The following SEMA6D variants were observed in gnomAD, a reference collection of about 807,000 sequenced individuals.
The protein encoded by SEMA6D is semaphorin-6D.
In SEMA6D, 35 loss-of-function variants were observed where a neutral mutation model predicts 106.6. The observed-to-expected ratio is 0.33, with a 90% CI of 0.25 to 0.44. The LOEUF is 0.44. Ranked by LOEUF, SEMA6D falls within the 20% of genes least tolerant of loss-of-function variation. SEMA6D has a pLI of 1.00. For missense variants in SEMA6D, 1,185 were observed against 1,345.9 expected, an observed-to-expected ratio of 0.88 and a Z score of 1.87; for synonymous variants, 499 against 487.7, an observed-to-expected ratio of 1.02 and a Z score of -0.31.
At chr15:47,234,751 A>G (rs1362037300) in intron 1 of SEMA6D, among the ~76,000 whole-genome samples, 9 of 152,002 alleles carry the variant, frequency 5.9e-5, no homozygotes, top group Non-Finnish European at 1.0e-4. Context: ...TCATCAGTTG[A>G]TGGGCACTTA....
At position 47,772,414 on chromosome 15, in the gene SEMA6D, T is replaced by C. The variant is rs1231738554; in HGVS notation, c.*629T>C. Reference sequence around the variant, plus strand: ...TGTTCTGTACCCACTAGGATTTGTTTAGGTGCCCATTGCATCTTTTTGTGC... The same window carrying C: ...TGTTCTGTACCCACTAGGATTTGTTCAGGTGCCCATTGCATCTTTTTGTGC... On this transcript the variant is annotated 3_prime_UTR_variant, in exon 19 of 19. Transcript: ENST00000536845. 6.8e-6 allele frequency: 1 copy of C among 147,120 alleles called. No homozygotes were observed. Among genetic ancestry groups the C allele is most frequent in the Admixed American group, 6.9e-5 (1 of 14,536 alleles). The allele number at this position is 147,120 out of a possible 1,614,324, so 9.1% of individuals were successfully genotyped here.
At chr15:47,194,634 G>A (rs1020064206) in intron 1 of SEMA6D, among the ~76,000 whole-genome samples, 2 of 152,182 alleles carry the variant, frequency 1.3e-5, no homozygotes, top group Admixed American at 6.5e-5. Context: ...ACCAAAATAT[G>A]TGAATGAAAT....
Position 47,707,711 on chromosome 15 carries a change from C to G in SEMA6D, c.-54-52034C>G, listed in dbSNP as rs1053947713. On this transcript the variant is annotated intron_variant, in intron 4 of 19. Transcript: ENST00000558014. ...CTTACTTTTTCATGTGTATGTGGCT[C>G]ATGTAGATTTTGGTATTTTTCTGGA... Among the ~76,000 whole-genome samples the G allele has an allele frequency of 1.8e-4, 28 of 152,152 alleles. 1 individual carries two copies. Among genetic ancestry groups the G allele is most frequent in the Admixed American group, 1.8e-3 (27 of 15,276 alleles).
chr15:47,600,381 T>C (rs1337278180), intron 3 of SEMA6D, among the ~76,000 whole-genome samples: 1 of 152,108 alleles, frequency 6.6e-6, no homozygotes, highest in Admixed American at 6.6e-5. Flanking sequence ...CCAGCCTAAT[T>C]GTTAAATGAG....
intron 1 of SEMA6D, among the ~76,000 whole-genome samples, chr15:47,751,735 G>A (rs763374172): frequency 3.0e-4 from 46 of 152,240 alleles, no homozygotes; most frequent in African/African-American, 1.1e-3. Context: ...GAGATTCAGC[G>A]GGGATGTGGT....
upstream of SEMA6D, among the ~76,000 whole-genome samples, chr15:47,716,456 TTCTC>T (rs1272344793): frequency 6.6e-6 from 1 of 152,182 alleles, no homozygotes; most frequent in Non-Finnish European, 1.5e-5. Context: ...CGCCCCTCTC[TTCTC>T]TCTTTCACGG....
chr15:47,609,463 T>C (rs1289553878), intron 4 of SEMA6D, among the ~76,000 whole-genome samples: 1 of 152,102 alleles, frequency 6.6e-6, no homozygotes, highest in Non-Finnish European at 1.5e-5. Context: ...CAGTGGCCAG[T>C]TTTTTCTGCC....
rs142588159 is a variant in SEMA6D, at chr15:47,189,324, G to A, written c.-239+4906G>A. On this transcript the variant is annotated intron_variant, in intron 1 of 19. Transcript: ENST00000558014. ...AAATTTCTATGTAAATACAGTATTT[G>A]TTCTAAGTACCACACTTAAATACAG... 1.3e-3 allele frequency among the ~76,000 whole-genome samples: 203 copies of A among 152,206 alleles called. 1 individual carries two copies. Among genetic ancestry groups the A allele is most frequent in the African/African-American group, 4.6e-3 (190 of 41,516 alleles).
intron 4 of SEMA6D, among the ~76,000 whole-genome samples, chr15:47,624,740 C>A (rs910578753): frequency 2.0e-5 from 3 of 152,174 alleles, no homozygotes; most frequent in African/African-American, 4.8e-5. Flanking sequence ...AAATGCAGGA[C>A]AAATTCATAT....
At chr15:47,227,465 T>TTTC (rs1280628038) in intron 1 of SEMA6D, among the ~76,000 whole-genome samples, 7 of 78,280 alleles carry the variant, frequency 8.9e-5, no homozygotes, top group African/African-American at 1.8e-4. Context: ...CTTTTCTTTC[T>TTTC]TTTTCTTTCT....
chr15:47,195,320 T>C (rs1278623915), intron 1 of SEMA6D, among the ~76,000 whole-genome samples: 4 of 152,170 alleles, frequency 2.6e-5, no homozygotes, highest in Admixed American at 6.6e-5. Context: ...TTACTTGGGC[T>C]GCATCATCCG....
intron 3 of SEMA6D, among the ~76,000 whole-genome samples, chr15:47,567,354 TATG>T (rs766910132): frequency 2.0e-5 from 3 of 152,220 alleles, no homozygotes; most frequent in Non-Finnish European, 2.9e-5. Flanking sequence ...GAAAAATATG[TATG>T]CATATTCAAA....
At chr15:47,220,365 A>G (rs566938512) in intron 1 of SEMA6D, among the ~76,000 whole-genome samples, 1 of 152,312 alleles carries the variant, frequency 6.6e-6, no homozygotes, top group African/African-American at 2.4e-5. Context: ...GTAGTAACAG[A>G]TATACAATGG....
intron 3 of SEMA6D, among the ~76,000 whole-genome samples, chr15:47,573,857 G>T (rs1311073354): frequency 6.6e-6 from 1 of 152,116 alleles, no homozygotes; most frequent in Non-Finnish European, 1.5e-5. Flanking sequence ...AAATGACATG[G>T]AAGTCACTTT....
intron 1 of SEMA6D, among the ~76,000 whole-genome samples, chr15:47,349,134 A>G (rs1422238922): frequency 6.6e-6 from 1 of 151,538 alleles, no homozygotes; most frequent in African/African-American, 2.4e-5. Flanking sequence ...TCTACACAGT[A>G]TAAACACAGA....
chr15:47,411,091 TTTTTG>T lies in SEMA6D; in HGVS notation c.-238-1281_-238-1277del, dbSNP rs750116188. Among the ~76,000 whole-genome samples the T allele has an allele frequency of 2.1e-4, 32 of 151,874 alleles. No homozygotes were observed. In the Middle Eastern group the frequency reaches 0.02, roughly 97 times the overall value. On this transcript the variant is annotated intron_variant, in intron 1 of 19. Transcript: ENST00000558014. ...TTTCCAGATGATTCCTTAGCTGAGT[TTTTTG>T]TTTTGTTTTGTTTTGTTTTGACAGA...
chr15:47,546,915 C>G (rs1011529672), intron 3 of SEMA6D, among the ~76,000 whole-genome samples: 1 of 151,996 alleles, frequency 6.6e-6, no homozygotes, highest in Non-Finnish European at 1.5e-5. Flanking sequence ...CATATTCCAA[C>G]CCAATTCTGT....
At chr15:47,670,188 T>C (rs2078111602) in intron 4 of SEMA6D, among the ~76,000 whole-genome samples, 1 of 152,216 alleles carries the variant, frequency 6.6e-6, no homozygotes, top group Admixed American at 6.5e-5. Flanking sequence ...CTATGCTCCC[T>C]TAACTTCCCA....
chr15:47,567,309 C>A (rs921047444), intron 3 of SEMA6D, among the ~76,000 whole-genome samples: 1 of 151,748 alleles, frequency 6.6e-6, no homozygotes, highest in Non-Finnish European at 1.5e-5. Flanking sequence ...TTGGGAGTAA[C>A]GAATTAGAAA....
Sources: gnomAD v4.1 joint callset for allele counts (sites outside exome capture counted in the v4.1 genomes callset) on GRCh38, gnomAD v4.1.1 for gene constraint, MANE v1.5 for transcripts, NCBI Gene and HGNC (gene_info 2026-07-23, HGNC 2026-07-21) for gene names.